Variants in FER observed in about 807,000 individuals in gnomAD.
The protein encoded by FER is FER tyrosine kinase.
In FER, 63 loss-of-function variants were observed where a neutral mutation model predicts 111.0. That is an observed-to-expected ratio of 0.57 (90% CI 0.46 to 0.70). The LOEUF (loss-of-function observed/expected upper bound fraction) is 0.70. Among genes scored for constraint, FER ranks in the 30% least tolerant of loss-of-function variants. The pLI is 0.00. For synonymous variants in FER, 327 were observed against 313.9 expected (o/e 1.04, Z -0.44); for missense variants, 914 against 954.0 (o/e 0.96, Z 0.55).
At chr5:108,875,351 A>C (rs893483155) in intron 8 of FER, among the ~76,000 whole-genome samples, 4 of 151,982 alleles carry the variant, frequency 2.6e-5, no homozygotes, top group African/African-American at 4.8e-5. Flanking sequence ...TATCTATTAT[A>C]TATAATATAA....
chr5:109,178,155 A>G (rs1757906683), intron 17 of FER, among the ~76,000 whole-genome samples: 1 of 152,222 alleles, frequency 6.6e-6, no homozygotes, highest in Non-Finnish European at 1.5e-5. Context: ...GAATATTTGC[A>G]AACTGAGTAT....
chr5:108,813,856 T>C (rs1419378203), intron 3 of FER, among the ~76,000 whole-genome samples: 1 of 152,120 alleles, frequency 6.6e-6, no homozygotes, highest in Non-Finnish European at 1.5e-5. Context: ...TGTGTACCAT[T>C]CCTTCGTCTT....
Position 108,973,104 on chromosome 5 carries a change from C to A in FER, c.1656+13757C>A, listed in dbSNP as rs979312806. On this transcript the variant is annotated intron_variant, in intron 13 of 19. Transcript: ENST00000281092. ...TCTCTCTGATATTAAAGTGGTGACA[C>A]AATCTTGTGTAATATTTAATATTCC... Among the ~76,000 whole-genome samples, 3 of 152,136 alleles carry A rather than the reference C, an allele frequency of 2.0e-5. No homozygotes were observed. In the South Asian group the frequency reaches 6.2e-4, roughly 31 times the overall value.
At chr5:108,956,100 A>C (rs1758393926) in intron 12 of FER, among the ~76,000 whole-genome samples, 1 of 151,720 alleles carries the variant, frequency 6.6e-6, no homozygotes. Flanking sequence ...CTTGATAATC[A>C]TATTTGCCCA....
intron 10 of FER, among the ~76,000 whole-genome samples, chr5:108,905,223 G>A (rs1750586656): frequency 1.3e-5 from 2 of 151,956 alleles, no homozygotes; most frequent in African/African-American, 4.8e-5. Context: ...AACTTTCAAA[G>A]TGTTTTTTAG....
At chr5:109,146,933 TATG>T (rs1754285890) in intron 17 of FER, among the ~76,000 whole-genome samples, 1 of 152,070 alleles carries the variant, frequency 6.6e-6, no homozygotes, top group East Asian at 1.9e-4. Context: ...GATTTAGTAA[TATG>T]ATAAGGGAAT....
At chr5:108,886,173 A>C (rs1172648715) in intron 9 of FER, among the ~76,000 whole-genome samples, 1 of 151,764 alleles carries the variant, frequency 6.6e-6, no homozygotes, top group African/African-American at 2.4e-5. Context: ...TCCCTAATCT[A>C]GAAGTTATGA....
intron 17 of FER, among the ~76,000 whole-genome samples, chr5:109,166,667 G>A (rs1252808322): frequency 1.3e-5 from 2 of 152,172 alleles, no homozygotes; most frequent in African/African-American, 4.8e-5. Context: ...GCTGGGCTCA[G>A]CTGAATAGTT....
intron 17 of FER, among the ~76,000 whole-genome samples, chr5:109,113,179 C>G (rs1197602190): frequency 6.6e-6 from 1 of 152,072 alleles, no homozygotes; most frequent in Non-Finnish European, 1.5e-5. Flanking sequence ...TTAATAGTAA[C>G]AGGTTAATAA....
intron 13 of FER, among the ~76,000 whole-genome samples, chr5:108,970,214 A>G (rs1760450923): frequency 6.9e-6 from 1 of 145,948 alleles, no homozygotes; most frequent in Non-Finnish European, 1.5e-5. Context: ...TTATTTATTT[A>G]TTTTTATTTA....
At chr5:109,003,422 C>A (rs1581603340) in intron 13 of FER, among the ~76,000 whole-genome samples, 1 of 152,144 alleles carries the variant, frequency 6.6e-6, no homozygotes, top group East Asian at 1.9e-4. Flanking sequence ...ACAATGAGAA[C>A]ACATGGACAC....
intron 17 of FER, among the ~76,000 whole-genome samples, chr5:109,108,818 C>T (rs1207516812): frequency 6.6e-6 from 1 of 152,140 alleles, no homozygotes; most frequent in African/African-American, 2.4e-5. Flanking sequence ...AAATTATCTC[C>T]TACTTTCTGG....
intron 5 of FER, among the ~76,000 whole-genome samples, chr5:108,851,357 T>C (rs765015916): frequency 4.1e-4 from 62 of 152,072 alleles, no homozygotes; most frequent in Admixed American, 2.2e-3. Context: ...TCACGTGAGA[T>C]TTATTCACTA....
chr5:108,781,542 C>T (rs1754078855), intron 2 of FER, among the ~76,000 whole-genome samples: 1 of 152,170 alleles, frequency 6.6e-6, no homozygotes, highest in African/African-American at 2.4e-5. Context: ...TTCTTGATAG[C>T]TGAAGCTGAT....
At chr5:108,818,845 ACTT>A (rs1429556412) in intron 3 of FER, among the ~76,000 whole-genome samples, 1 of 152,168 alleles carries the variant, frequency 6.6e-6, no homozygotes, top group Non-Finnish European at 1.5e-5. Context: ...CCCTACAAGG[ACTT>A]CTTTTTAGAT....
chr5:108,871,246 A>C (rs901183080), intron 6 of FER, 119 bp from the exon 7 acceptor site: 9 of 732,624 alleles, frequency 1.2e-5, no homozygotes, highest in South Asian at 2.3e-5. Context: ...GGTACAGGAA[A>C]CAACCATCTG....
At chr5:108,845,386 T>A (rs1474067922) in intron 5 of FER, among the ~76,000 whole-genome samples, 2 of 151,922 alleles carry the variant, frequency 1.3e-5, no homozygotes, top group African/African-American at 2.4e-5. Flanking sequence ...TTTCACCATG[T>A]TGGTCAGGCT....
chr5:108,769,202 G>A (rs982022294), intron 2 of FER, among the ~76,000 whole-genome samples: 1 of 152,098 alleles, frequency 6.6e-6, no homozygotes, highest in African/African-American at 2.4e-5. Flanking sequence ...CTTTAGATAG[G>A]GTCATATAAG....
intron 2 of FER, among the ~76,000 whole-genome samples, chr5:108,786,063 A>T (rs7724385): frequency 0.24 from 36,636 of 152,162 alleles, 4,658 homozygotes; most frequent in African/African-American, 0.32. Context: ...GTGTGCAGGT[A>T]AACAAGTGGA....
Sources: allele counts gnomAD v4.1 joint callset (sites outside exome capture counted in the v4.1 genomes callset), GRCh38; gene constraint gnomAD v4.1.1; transcripts MANE v1.5; gene names NCBI Gene and HGNC (gene_info 2026-07-23, HGNC 2026-07-21).